Variants in PDE4D observed in about 807,000 individuals in gnomAD.
PDE4D encodes 3',5'-cyclic-AMP phosphodiesterase 4D.
Under a neutral mutation model 87.4 loss-of-function variants are expected in PDE4D, and 24 were observed. The ratio of observed to expected loss-of-function variants is 0.27; its 90% CI spans 0.20 to 0.39. The LOEUF is 0.39. Among genes scored for constraint, PDE4D ranks in the 10% least tolerant of loss-of-function variants. The pLI, the probability that PDE4D is intolerant of heterozygous loss-of-function variation, is 1.00. For synonymous variants in PDE4D, 384 were observed against 383.2 expected, an observed-to-expected ratio of 1.00 and a Z score of -0.02; for missense variants, 714 against 1,041.0, an observed-to-expected ratio of 0.69 and a Z score of 4.32.
intron 1 of PDE4D, among the ~76,000 whole-genome samples, chr5:59,280,782 G>A (rs1029855541): frequency 1.5e-4 from 23 of 152,020 alleles, no homozygotes; most frequent in African/African-American, 5.6e-4. Context: ...TGTACTGGGA[G>A]TTTTACTGCA....
chr5:60,301,234 C>T (rs1232238517), intron 1 of PDE4D, among the ~76,000 whole-genome samples: 1 of 152,098 alleles, frequency 6.6e-6, no homozygotes, highest in Non-Finnish European at 1.5e-5. Flanking sequence ...AAAATAGTTT[C>T]TTCTAATTCT....
intron 1 of PDE4D, among the ~76,000 whole-genome samples, chr5:59,857,431 A>G (rs9918104): frequency 0.1 from 15,627 of 151,988 alleles, 2,538 homozygotes; most frequent in African/African-American, 0.34. Flanking sequence ...TACATCAAAG[A>G]CTCTTATATT....
At chr5:59,870,985 T>C (rs1329397360) in intron 1 of PDE4D, among the ~76,000 whole-genome samples, 1 of 152,202 alleles carries the variant, frequency 6.6e-6, no homozygotes, top group African/African-American at 2.4e-5. Flanking sequence ...CTCACACATA[T>C]ACCTGCATAA....
chr5:60,499,059 TTGA>T (rs1405892658), intron 1 of PDE4D, among the ~76,000 whole-genome samples: 32 of 152,366 alleles, frequency 2.1e-4, no homozygotes, highest in Middle Eastern at 3.4e-3. Flanking sequence ...ACGCAGATCC[TTGA>T]TGAAGACTAG....
intron 2 of PDE4D, among the ~76,000 whole-genome samples, chr5:59,994,457 C>T (rs1386282853): frequency 1.3e-5 from 2 of 152,110 alleles, no homozygotes; most frequent in African/African-American, 4.8e-5. Flanking sequence ...AGTGAGACCA[C>T]ATCTCCAGAC....
chr5:59,920,386 C>T (rs1396004119), intron 3 of PDE4D, among the ~76,000 whole-genome samples: 1 of 152,122 alleles, frequency 6.6e-6, no homozygotes, highest in Non-Finnish European at 1.5e-5. Context: ...TTCTACAATC[C>T]TGTGGAAATG....
At chr5:60,229,989 C>A (rs1001892592) in intron 1 of PDE4D, among the ~76,000 whole-genome samples, 5 of 152,078 alleles carry the variant, frequency 3.3e-5, no homozygotes, top group Admixed American at 1.3e-4. Context: ...GCTGAAGGGG[C>A]ATTTTCACTC....
intron 1 of PDE4D, among the ~76,000 whole-genome samples, chr5:59,753,167 G>C (rs1760732110): frequency 6.6e-6 from 1 of 152,116 alleles, no homozygotes; most frequent in Admixed American, 6.5e-5. Context: ...TAATTAATGA[G>C]ACAGTATAAG....
At chr5:60,396,035 G>C (rs1762862614) in intron 1 of PDE4D, among the ~76,000 whole-genome samples, 1 of 152,222 alleles carries the variant, frequency 6.6e-6, no homozygotes, top group Non-Finnish European at 1.5e-5. Context: ...AGCTGGAACA[G>C]CCTCCTTGGT....
At chr5:59,946,262 A>T (rs535158533) in intron 3 of PDE4D, among the ~76,000 whole-genome samples, 1 of 152,338 alleles carries the variant, frequency 6.6e-6, no homozygotes, top group East Asian at 1.9e-4. Flanking sequence ...AGTCACAGAT[A>T]ATGATACTGG....
At chr5:59,115,937 A>G (rs550627329) in intron 5 of PDE4D, among the ~76,000 whole-genome samples, 9 of 152,310 alleles carry the variant, frequency 5.9e-5, no homozygotes, top group Admixed American at 5.2e-4. Flanking sequence ...CTTTGCAATG[A>G]TTTTGGTTGT....
chr5:59,134,694 T>C (rs1411164969), intron 5 of PDE4D, among the ~76,000 whole-genome samples: 2 of 152,166 alleles, frequency 1.3e-5, no homozygotes, highest in African/African-American at 2.4e-5. Context: ...TATCCAAAAT[T>C]GCAGTTTTTC....
intron 2 of PDE4D, among the ~76,000 whole-genome samples, chr5:60,159,565 T>A (rs973908180): frequency 6.6e-5 from 10 of 152,156 alleles, no homozygotes; most frequent in Non-Finnish European, 1.3e-4. Flanking sequence ...TGCTACAACT[T>A]TATGATGGCT....
intron 5 of PDE4D, among the ~76,000 whole-genome samples, chr5:59,049,168 T>C (rs184949172): frequency 6.6e-6 from 1 of 152,368 alleles, no homozygotes; most frequent in East Asian, 1.9e-4. Context: ...TCTGCCTGTA[T>C]GACTTTTCTA....
rs765335661 is a variant in PDE4D at position 60,194,851 on chromosome 5, A to G, written c.-89-9164T>C. On this transcript the variant is annotated intron_variant, in intron 1 of 16. Coordinates refer to the PDE4D transcript ENST00000502484. Reference sequence around the variant, plus strand: ...CACCAATACTGCCTACTTCAAGTCCACCTTAAAATCTATCAATAGCTGCCT... The same window carrying G: ...CACCAATACTGCCTACTTCAAGTCCGCCTTAAAATCTATCAATAGCTGCCT... Among the ~76,000 whole-genome samples, 41 of 151,526 alleles carry G rather than the reference A, an allele frequency of 2.7e-4. 1 individual carries two copies. Among genetic ancestry groups the G allele is most frequent in the Non-Finnish European group, 4.7e-4 (32 of 67,718 alleles).
At chr5:60,430,331 G>A (rs2150110946) in intron 1 of PDE4D, 1 of 437,128 alleles carries the variant, frequency 2.3e-6, no homozygotes, top group South Asian at 1.8e-5. Flanking sequence ...ATCATAATCA[G>A]TAGTAAAGCT....
intron 1 of PDE4D, among the ~76,000 whole-genome samples, chr5:59,801,412 G>T (rs945448940): frequency 5.3e-5 from 8 of 152,098 alleles, no homozygotes; most frequent in African/African-American, 1.9e-4. Flanking sequence ...TTGAGAAAGA[G>T]CTATTTCCTA....
intron 1 of PDE4D, among the ~76,000 whole-genome samples, chr5:59,416,168 T>C (rs1458144271): frequency 6.6e-6 from 1 of 152,228 alleles, no homozygotes; most frequent in African/African-American, 2.4e-5. Context: ...TTCCCCTTTC[T>C]TGGTATATCT....
At chr5:60,405,073 C>T (rs1317220330) in intron 1 of PDE4D, among the ~76,000 whole-genome samples, 1 of 152,200 alleles carries the variant, frequency 6.6e-6, no homozygotes, top group African/African-American at 2.4e-5. Flanking sequence ...TGACATCTGT[C>T]AGTTCTCTTC....
Sources: allele counts gnomAD v4.1 joint callset (sites outside exome capture counted in the v4.1 genomes callset), GRCh38; gene constraint gnomAD v4.1.1; transcripts MANE v1.5; gene names NCBI Gene and HGNC (gene_info 2026-07-23, HGNC 2026-07-21).